The following COMMD1 variants were observed in gnomAD, a reference collection of about 807,000 sequenced individuals.
The protein encoded by COMMD1 is COMM domain-containing protein 1.
Under a neutral mutation model 17.2 loss-of-function variants are expected in COMMD1, and 10 were observed. That is an observed-to-expected ratio of 0.58 (90% CI 0.36 to 0.99). The LOEUF is 0.99. Ranked by LOEUF, COMMD1 falls within the 50% of genes least tolerant of loss-of-function variation. The pLI, the probability that COMMD1 is intolerant of heterozygous loss-of-function variation, is 0.01. For missense variants in COMMD1, 270 were observed against 231.8 expected (o/e 1.17, Z -1.07); for synonymous variants, 97 against 91.6 (o/e 1.06, Z -0.34).
Position 61,889,747 on chromosome 2 carries a change from G to T in COMMD1, n.119+905G>T, listed in dbSNP as rs1669377326. Among the ~76,000 whole-genome samples, 3 of 151,946 alleles carry T rather than the reference G, an allele frequency of 2.0e-5. No homozygotes were observed. The South Asian group carries it at 6.2e-4, about 32-fold the overall frequency. Reference sequence around the variant, plus strand: ...GAGGTTTGACAGACTGCCAAATCAGGTCTGTCTAGTTACCACCGCCCGCTT... The same window carrying T: ...GAGGTTTGACAGACTGCCAAATCAGTTCTGTCTAGTTACCACCGCCCGCTT... On this transcript the variant is annotated intron_variant and non_coding_transcript_variant, in intron 1 of 2. Coordinates refer to the COMMD1 transcript ENST00000472729.
intron 2 of COMMD1, among the ~76,000 whole-genome samples, chr2:62,124,975 G>A (rs1207539515): frequency 3.9e-5 from 6 of 152,202 alleles, no homozygotes; most frequent in Non-Finnish European, 5.9e-5. Context: ...CATGTTTCCC[G>A]TAAAGTTTAT....
chr2:62,003,869 T>C (rs527987426), intron 2 of COMMD1, among the ~76,000 whole-genome samples: 3 of 152,242 alleles, frequency 2.0e-5, no homozygotes, highest in African/African-American at 7.2e-5. Flanking sequence ...TGCTCGCTTC[T>C]GTAATCTCAG....
intron 1 of COMMD1, among the ~76,000 whole-genome samples, chr2:61,970,439 G>C (rs1206587208): frequency 6.6e-6 from 1 of 151,986 alleles, no homozygotes; most frequent in Non-Finnish European, 1.5e-5. Flanking sequence ...TGTGGTATTT[G>C]CATATAACCA....
In COMMD1 at chr2:62,039,987, G is replaced by A. The variant is rs138176720; in HGVS notation, c.462+39005G>A. Among the ~76,000 whole-genome samples, 1,223 of 152,352 alleles carry A rather than the reference G, an allele frequency of 8.0e-3. 19 individuals are homozygous for A. The highest frequency in any genetic ancestry group is 0.028 in the African/African-American group (1,156 of 41,578). ...AGAGTACCGCTTAGCTGGGCACGGT[G>A]GCTTATGCCTGTAATCCCAGCACTT... On this transcript the variant is annotated intron_variant, in intron 2 of 2. Coordinates refer to ENST00000311832, the MANE Select transcript of COMMD1 (RefSeq NM_152516.4).
At chr2:62,085,825 CA>C (rs1161975267) in intron 2 of COMMD1, among the ~76,000 whole-genome samples, 7 of 151,090 alleles carry the variant, frequency 4.6e-5, no homozygotes, top group African/African-American at 1.5e-4. Context: ...TAAAAAAATA[CA>C]AAAAATTAGC....
chr2:62,125,298 C>G (rs1672856945), intron 2 of COMMD1, among the ~76,000 whole-genome samples: 1 of 152,212 alleles, frequency 6.6e-6, no homozygotes. Flanking sequence ...CCTGCAGACT[C>G]TATCTTAGTC....
chr2:62,005,526 G>C (rs1016141993), intron 2 of COMMD1, among the ~76,000 whole-genome samples: 1 of 152,128 alleles, frequency 6.6e-6, no homozygotes, highest in Non-Finnish European at 1.5e-5. Flanking sequence ...ATCAAAAAGT[G>C]GGCAAAGGAT....
chr2:62,039,726 T>G (rs1282988839), intron 2 of COMMD1, among the ~76,000 whole-genome samples: 1 of 152,230 alleles, frequency 6.6e-6, no homozygotes, highest in Non-Finnish European at 1.5e-5. Context: ...ATTTTCTATC[T>G]TTTGGAAGTT....
intron 1 of COMMD1, among the ~76,000 whole-genome samples, chr2:61,987,899 C>G (rs1318902374): frequency 4.6e-5 from 7 of 152,124 alleles, no homozygotes; most frequent in Non-Finnish European, 8.8e-5. Flanking sequence ...CAAAGTCTTT[C>G]CCACTCTTTC....
intron 1 of COMMD1, among the ~76,000 whole-genome samples, chr2:61,987,688 T>A (rs1389020131): frequency 6.6e-6 from 1 of 152,172 alleles, no homozygotes; most frequent in African/African-American, 2.4e-5. Flanking sequence ...ACTACCTGGC[T>A]ACCGCTCAAG....
intron 2 of COMMD1, among the ~76,000 whole-genome samples, chr2:62,112,909 G>A (rs1210310306): frequency 6.6e-6 from 1 of 152,012 alleles, no homozygotes; most frequent in East Asian, 1.9e-4. Flanking sequence ...TAAAATAACA[G>A]CATTTACATG....
chr2:62,017,807 G>T (rs1384535406), intron 2 of COMMD1, among the ~76,000 whole-genome samples: 3 of 152,100 alleles, frequency 2.0e-5, no homozygotes, highest in Non-Finnish European at 4.4e-5. Flanking sequence ...GGAGGCCAAG[G>T]CAGAACGATT....
chr2:62,131,892 ACAC>A (rs1400102885), intron 2 of COMMD1, among the ~76,000 whole-genome samples: 2 of 142,746 alleles, frequency 1.4e-5, no homozygotes, highest in African/African-American at 5.2e-5. Flanking sequence ...ACACACACAC[ACAC>A]ATTTTTTTTT....
rs374545571 is a variant in COMMD1, at chr2:61,905,714, G to C, written c.36G>C (p.Leu12=). 12 of 1,603,480 alleles carry C rather than the reference G, an allele frequency of 7.5e-6. No individual in the cohort carries two copies. The East Asian group carries it at 2.7e-4, about 36-fold the overall frequency. The change falls in exon 1 of 3, where the codon CTG becomes CTC. Residue 12 remains leucine (L), a synonymous_variant. Coordinates refer to ENST00000311832, the MANE Select transcript of COMMD1 (RefSeq NM_152516.4). The stretch of plus-strand genomic sequence containing the variant: ...GCGAGCTTGAGGGTGGCAAACCCCT[G>C]AGCGGGCTGCTGAATGCGCTGGCCC... ...AAGELEGGKP[L]SGLLNALAQD...
At chr2:61,983,671 G>A (rs994667559) in intron 1 of COMMD1, among the ~76,000 whole-genome samples, 15 of 151,854 alleles carry the variant, frequency 9.9e-5, no homozygotes, top group African/African-American at 2.7e-4. Flanking sequence ...CAGTTTCTGC[G>A]GTATCAGTTG....
intron 2 of COMMD1, among the ~76,000 whole-genome samples, chr2:62,037,619 T>C (rs1452600235): frequency 6.6e-6 from 1 of 152,226 alleles, no homozygotes; most frequent in African/African-American, 2.4e-5. Flanking sequence ...GTTTACATTT[T>C]GCTCCTTGGA....
chr2:61,939,297 CAAAAAA>C (rs1194444288), intron 1 of COMMD1, among the ~76,000 whole-genome samples: 1 of 65,272 alleles, frequency 1.5e-5, no homozygotes, highest in African/African-American at 4.8e-5. Flanking sequence ...ACTAAAAATA[CAAAAAA>C]AAAAAAAAAA....
chr2:62,076,734 A>G (rs1025060250), intron 2 of COMMD1, among the ~76,000 whole-genome samples: 11 of 152,154 alleles, frequency 7.2e-5, no homozygotes, highest in African/African-American at 2.7e-4. Context: ...GCAAAAGAGC[A>G]AGACTCCATC....
At chr2:62,080,932 C>G (rs1204719041) in intron 2 of COMMD1, among the ~76,000 whole-genome samples, 1 of 151,462 alleles carries the variant, frequency 6.6e-6, no homozygotes, top group Non-Finnish European at 1.5e-5. Context: ...AATACTTATT[C>G]CATATTCTGG....
Sources: allele counts gnomAD v4.1 joint callset (sites outside exome capture counted in the v4.1 genomes callset), GRCh38; gene constraint gnomAD v4.1.1; transcripts MANE v1.5; gene names NCBI Gene and HGNC (gene_info 2026-07-23, HGNC 2026-07-21).